Variants in PPP1R3F observed in about 807,000 individuals in gnomAD.
PPP1R3F encodes protein phosphatase 1 regulatory subunit 3F.
In PPP1R3F, 29 loss-of-function variants were observed where a neutral mutation model predicts 24.2. The ratio of observed to expected loss-of-function variants is 1.20; its 90% CI spans 0.89 to 1.63. PPP1R3F has a LOEUF of 1.63. PPP1R3F is among the 40% of genes most tolerant of loss of function. The pLI, the probability that PPP1R3F is intolerant of heterozygous loss-of-function variation, is 0.00. For missense variants in PPP1R3F, 823 were observed against 729.3 expected, an observed-to-expected ratio of 1.13 and a Z score of -1.48; for synonymous variants, 363 against 340.1, an observed-to-expected ratio of 1.07 and a Z score of -0.74.
Position 49,270,697 on chromosome X carries a change from C to G in PPP1R3F, c.828C>G (p.Asn276Lys). The G allele has an allele frequency of 1.7e-6, 2 of 1,208,610 alleles. No individual in the cohort carries two copies. The highest frequency in any genetic ancestry group is 2.2e-6 in the Non-Finnish European group (2 of 894,033). Residue 276 changes from asparagine (N) to lysine (K), a missense_variant, in exon 1 of 4, where the codon AAC (asparagine) becomes AAG (lysine). Transcript: ENST00000055335. ...CTGAGGGCACTTTCTGGGCCAACAACCACGGCCGCAACTACACAGTCCTGC... is the reference window on the plus strand; with the variant it reads ...CTGAGGGCACTTTCTGGGCCAACAAGCACGGCCGCAACTACACAGTCCTGC... ...ETPEGTFWAN[N>K]HGRNYTVLLR... is the part of the protein sequence containing the mutation.
Position 49,286,644 on chromosome X carries a change from T to C in PPP1R3F, c.1954T>C (p.Ser652Pro). 8.3e-7 allele frequency: 1 copy of C among 1,210,255 alleles called. No homozygotes were observed. Among genetic ancestry groups the C allele is most frequent in the Non-Finnish European group, 1.1e-6 (1 of 894,702 alleles). ...GAAAGGGATGGGCAAGGACACCAGC[T>C]CTTTGCACATGAATAGGGTGATAGC... ...PEKGMGKDTS[S>P]LHMNRVIAGV... is the part of the protein sequence containing the mutation. Residue 652 changes from serine to proline, a missense_variant, in exon 4 of 4, where the codon TCT becomes CCT. Coordinates refer to ENST00000055335, the MANE Select transcript of PPP1R3F (RefSeq NM_033215.5).
chrX:49,281,993 A>G lies in PPP1R3F; in HGVS notation c.1073A>G (p.Asp358Gly). 1 of 1,205,610 alleles carries G rather than the reference A, an allele frequency of 8.3e-7. No individual in the cohort carries two copies. Among genetic ancestry groups the G allele is most frequent in the Non-Finnish European group, 1.1e-6 (1 of 889,965 alleles). ...DNTFAMAEHP[D>G]VQESVGPLVA... The stretch of plus-strand genomic sequence containing the variant: ...CTCTTCCCTCTAGCAGAGCATCCTG[A>G]TGTCCAGGAGTCAGTGGGTCCACTG... The change falls in exon 3 of 4, where the codon GAT becomes GGT. Residue 358 changes from aspartate (D) to glycine (G), a missense_variant. Transcript: ENST00000055335.
downstream of PPP1R3F, among the ~76,000 whole-genome samples, chrX:49,292,648 T>TG (rs1830560456): frequency 1.8e-5 from 2 of 112,675 alleles, no homozygotes; most frequent in South Asian, 7.2e-4. Context: ...CCTGGTGGTC[T>TG]GGGGGAGACA....
chrX:49,284,509 C>CTTTTTTTTTTTTTTTT (rs145170789), intron 3 of PPP1R3F, among the ~76,000 whole-genome samples: 40 of 50,837 alleles, frequency 7.9e-4, no homozygotes, highest in Non-Finnish European at 1.2e-3. Flanking sequence ...CTTTTTCTTT[C>CTTTTTTTTTTTTTTTT]TTTTTTTTTT....
rs782750332 is a variant in PPP1R3F, at chrX:49,283,446, C to G, written c.1143+1383C>G. Among the ~76,000 whole-genome samples, 9 of 111,196 alleles carry G rather than the reference C, an allele frequency of 8.1e-5. No homozygotes were observed. The South Asian group carries it at 3.4e-3, about 42-fold the overall frequency. ...AAAGTGCTGGGATTACAGGTGTGAG[C>G]CATCACGTCTGGCCAGAAAATTAAG... On this transcript the variant is annotated intron_variant, in intron 3 of 3. Transcript: ENST00000055335.
rs1557119067 is a variant in PPP1R3F at position 49,270,721 on chromosome X, G to A, written c.852G>A (p.Leu284=). 8.3e-7 allele frequency: 1 copy of A among 1,206,184 alleles called. No individual in the cohort carries two copies. Among genetic ancestry groups the A allele is most frequent in the South Asian group, 1.8e-5 (1 of 56,041 alleles). The change falls in exon 1 of 4, where the codon CTG becomes CTA. Residue 284 remains leucine, a synonymous_variant. Transcript: ENST00000055335. ...ANNHGRNYTV[L]LRIAPAPTPT... Reference sequence around the variant, plus strand: ...ACCACGGCCGCAACTACACAGTCCTGCTCCGGATCGCACCCGCTCCCACAC... The same window carrying A: ...ACCACGGCCGCAACTACACAGTCCTACTCCGGATCGCACCCGCTCCCACAC...
intron 3 of PPP1R3F, among the ~76,000 whole-genome samples, chrX:49,294,863 C>T (rs1321675448): frequency 2.0e-5 from 2 of 102,242 alleles, no homozygotes; most frequent in Non-Finnish European, 3.9e-5. Context: ...GAGCTAAGAT[C>T]GTGCCACTGC....
chrX:49,289,929 C>T (rs782406000), downstream of PPP1R3F, among the ~76,000 whole-genome samples: 1 of 110,835 alleles, frequency 9.0e-6, no homozygotes, highest in African/African-American at 3.3e-5. Context: ...ATTAGCCGGG[C>T]GTGGTGGTGG....
chrX:49,300,477 G>GTT (rs35140303), intron 3 of PPP1R3F, among the ~76,000 whole-genome samples: 1,632 of 70,127 alleles, frequency 0.023, 162 homozygotes, highest in Admixed American at 0.054. Flanking sequence ...TATTGCTGCT[G>GTT]TTTTTTTTTT....
At chrX:49,277,247 G>A (rs782244104) in intron 1 of PPP1R3F, among the ~76,000 whole-genome samples, 1 of 112,622 alleles carries the variant, frequency 8.9e-6, no homozygotes, top group Non-Finnish European at 1.9e-5. Flanking sequence ...TCACCCTCTG[G>A]TCTCCTCGGG....
At position 49,270,267 on chromosome X, in the gene PPP1R3F, G is replaced by A. The variant is rs1193283245; in HGVS notation, c.398G>A (p.Arg133His). 15 of 1,097,493 alleles carry A rather than the reference G, an allele frequency of 1.4e-5. No homozygotes were observed. The highest frequency in any genetic ancestry group is 1.9e-5 in the African/African-American group (1 of 51,710). The allele number at this position is 1,097,493 out of a possible 1,213,427, so 90.4% of individuals were successfully genotyped here. The change falls in exon 1 of 4, where the codon CGC (arginine) becomes CAC (histidine). Residue 133 changes from arginine to histidine, a missense_variant. Physicochemically the swap from Arg to His is conservative, Grantham distance 29. Coordinates refer to ENST00000055335, the MANE Select transcript of PPP1R3F (RefSeq NM_033215.5). Reference protein sequence around the residue: ...PAPGRLERLGRVMVELEALLP... With the variant: ...PAPGRLERLGHVMVELEALLP... ...CCGGGCCGTCTGGAGCGCTTGGGGC[G>A]CGTCATGGTGGAGCTGGAGGCGCTG...
At chrX:49,290,269 T>C (rs1252933123), downstream of PPP1R3F, among the ~76,000 whole-genome samples, 1 of 110,932 alleles carries the variant, frequency 9.0e-6, no homozygotes, top group African/African-American at 3.3e-5. Context: ...ATCCCTGGGC[T>C]CCGGGTCTTG....
chrX:49,297,086 C>T (rs1207583160), intron 3 of PPP1R3F, among the ~76,000 whole-genome samples: 4 of 111,046 alleles, frequency 3.6e-5, no homozygotes, highest in Non-Finnish European at 7.5e-5. Context: ...TTTTCTGTCT[C>T]ACTGATCTGT....
In PPP1R3F at chrX:49,269,804, G is replaced by A; in HGVS notation, c.-66G>A. ...GCGCTGGCCTTCCCATTGGCTGCCC[G>A]CCCCTTCAGGCCCTGCCCCCGCCGG... On this transcript the variant is annotated 5_prime_UTR_variant, in exon 1 of 4. Coordinates refer to ENST00000055335, the MANE Select transcript of PPP1R3F (RefSeq NM_033215.5). The A allele has an allele frequency of 1.4e-6, 1 of 699,451 alleles. No homozygotes were observed. Among genetic ancestry groups the A allele is most frequent in the Non-Finnish European group, 1.8e-6 (1 of 558,626 alleles). 57.6% of individuals were successfully genotyped at this position (699,451 alleles called of 1,213,427 possible).
At chrX:49,275,970 CTG>C (rs1402723532) in intron 1 of PPP1R3F, among the ~76,000 whole-genome samples, 7 of 112,373 alleles carry the variant, frequency 6.2e-5, no homozygotes, top group African/African-American at 9.7e-5. Flanking sequence ...ACCAGAATAA[CTG>C]GAGTTGAACG....
intron 3 of PPP1R3F, among the ~76,000 whole-genome samples, chrX:49,296,487 T>G (rs1489239124): frequency 2.7e-5 from 3 of 111,901 alleles, no homozygotes; most frequent in African/African-American, 9.7e-5. Context: ...TTTGTTGATT[T>G]TTTGAAGGGT....
chrX:49,284,267 T>C (rs781839785), intron 3 of PPP1R3F, among the ~76,000 whole-genome samples: 2 of 111,582 alleles, frequency 1.8e-5, no homozygotes, highest in East Asian at 5.6e-4. Context: ...TCCATGACAA[T>C]ATGTGCTAGG....
At chrX:49,284,744 GC>G (rs782265351) in intron 3 of PPP1R3F, among the ~76,000 whole-genome samples, 1 of 110,653 alleles carries the variant, frequency 9.0e-6, no homozygotes, top group African/African-American at 3.3e-5. Flanking sequence ...CTCCTGACCT[GC>G]CTGGTGATCC....
chrX:49,280,584 C>A (rs1468202403), intron 1 of PPP1R3F, among the ~76,000 whole-genome samples: 1 of 86,010 alleles, frequency 1.2e-5, no homozygotes, highest in South Asian at 7.1e-4. Flanking sequence ...TCACTCTTGT[C>A]CCCTAGGCTG....
Sources: allele counts gnomAD v4.1 joint callset (sites outside exome capture counted in the v4.1 genomes callset), GRCh38; gene constraint gnomAD v4.1.1; transcripts MANE v1.5; gene names NCBI Gene and HGNC (gene_info 2026-07-23, HGNC 2026-07-21).